GRIA1: variants seen among roughly 807,000 people sequenced by gnomAD.
The protein encoded by GRIA1 is glutamate ionotropic receptor AMPA type subunit 1, also known as glutamate receptor 1.
Under a neutral mutation model 99.2 loss-of-function variants are expected in GRIA1, and 31 were observed. The ratio of observed to expected loss-of-function variants is 0.31; its 90% CI spans 0.23 to 0.42. The LOEUF is 0.42. Among genes scored for constraint, GRIA1 ranks in the 10% least tolerant of loss-of-function variants. The pLI, the probability that GRIA1 is intolerant of heterozygous loss-of-function variation, is 1.00. For missense variants in GRIA1, 782 were observed against 1,157.5 expected (o/e 0.68, Z 4.71); for synonymous variants, 438 against 432.4 (o/e 1.01, Z -0.16).
intron 5 of GRIA1, among the ~76,000 whole-genome samples, chr5:153,665,463 C>T (rs1406253959): frequency 6.6e-6 from 1 of 152,164 alleles, no homozygotes; most frequent in African/African-American, 2.4e-5. Context: ...AACCAGACTA[C>T]CCTCTGTGTT....
chr5:153,677,209 T>C (rs767390298), intron 7 of GRIA1, 48 bp downstream of exon 7: 1 of 1,331,336 alleles, frequency 7.5e-7, no homozygotes, highest in Non-Finnish European at 9.8e-7. Context: ...TACTGGGGGA[T>C]TTCAGCATCA....
chr5:153,739,636 T>C (rs1198210571), intron 11 of GRIA1, among the ~76,000 whole-genome samples: 1 of 152,178 alleles, frequency 6.6e-6, no homozygotes, highest in Non-Finnish European at 1.5e-5. Flanking sequence ...TCACAGTAAA[T>C]TACAAGTGGT....
intron 2 of GRIA1, among the ~76,000 whole-genome samples, chr5:153,510,197 T>C (rs1755925086): frequency 6.6e-6 from 1 of 152,186 alleles, no homozygotes; most frequent in South Asian, 2.1e-4. Context: ...CTGCTTTAAC[T>C]AAATATATAG....
At chr5:153,584,377 A>G (rs552079074) in intron 2 of GRIA1, among the ~76,000 whole-genome samples, 4 of 152,292 alleles carry the variant, frequency 2.6e-5, no homozygotes, top group African/African-American at 7.2e-5. Flanking sequence ...CCTTGCCCAC[A>G]GTGTTTGAGA....
At chr5:153,743,595 A>G (rs988548940) in intron 11 of GRIA1, among the ~76,000 whole-genome samples, 7 of 146,592 alleles carry the variant, frequency 4.8e-5, no homozygotes, top group African/African-American at 1.8e-4. Context: ...CAGTGATAGG[A>G]CCCTCCCTCA....
At chr5:153,545,134 C>T (rs568611246) in intron 2 of GRIA1, among the ~76,000 whole-genome samples, 2 of 152,242 alleles carry the variant, frequency 1.3e-5, no homozygotes, top group Admixed American at 1.3e-4. Context: ...TTAATAGAAA[C>T]ATTGAAAGAT....
intron 2 of GRIA1, among the ~76,000 whole-genome samples, chr5:153,611,894 A>G (rs1445612195): frequency 6.6e-6 from 1 of 152,214 alleles, no homozygotes; most frequent in Non-Finnish European, 1.5e-5. Context: ...TCTGGGAAGC[A>G]GTGTGTTCTG....
intron 2 of GRIA1, among the ~76,000 whole-genome samples, chr5:153,593,874 G>C (rs937025391): frequency 6.6e-6 from 1 of 152,098 alleles, no homozygotes; most frequent in African/African-American, 2.4e-5. Context: ...TCTCATTTTG[G>C]CAGAATGCAT....
rs3749655 is a variant in GRIA1 at position 153,490,980 on chromosome 5, G to T, written c.82+10G>T. On this transcript the variant is annotated intron_variant, in intron 1 of 15. Transcript: ENST00000285900. ...AACAATATCCAGATCGGTGAGTGAG[G>T]GGGCAGCCTGGGGAGGGACTTTCTG... 24 of 1,612,288 alleles carry T rather than the reference G, an allele frequency of 1.5e-5. No homozygotes were observed. In the East Asian group the frequency reaches 5.3e-4, roughly 36 times the overall value.
intron 2 of GRIA1, among the ~76,000 whole-genome samples, chr5:153,634,213 G>C (rs1753183727): frequency 6.6e-6 from 1 of 151,892 alleles, no homozygotes; most frequent in South Asian, 2.1e-4. Context: ...AGCTACTCGG[G>C]AGGCTGAGGC....
intron 2 of GRIA1, among the ~76,000 whole-genome samples, chr5:153,545,414 G>A (rs1301710896): frequency 6.6e-6 from 1 of 152,146 alleles, no homozygotes; most frequent in South Asian, 2.1e-4. Context: ...GGACTGGGGG[G>A]AAGTTTGGGT....
chr5:153,805,836 G>A (rs1346247874), intron 15 of GRIA1, among the ~76,000 whole-genome samples: 1 of 152,034 alleles, frequency 6.6e-6, no homozygotes, highest in African/African-American at 2.4e-5. Flanking sequence ...CCAACATCAG[G>A]GTCTCTTGGA....
chr5:153,687,598 T>C (rs927135009), intron 8 of GRIA1, among the ~76,000 whole-genome samples: 2 of 152,208 alleles, frequency 1.3e-5, no homozygotes, highest in Admixed American at 1.3e-4. Flanking sequence ...AAAAATCAGT[T>C]CTTCAGTTGC....
At chr5:153,592,893 G>A (rs766615928) in intron 2 of GRIA1, among the ~76,000 whole-genome samples, 4 of 152,212 alleles carry the variant, frequency 2.6e-5, no homozygotes, top group Non-Finnish European at 5.9e-5. Flanking sequence ...ATGAAAGAGA[G>A]AGGAGAGAGA....
intron 2 of GRIA1, among the ~76,000 whole-genome samples, chr5:153,636,527 T>C (rs1173031919): frequency 1.3e-5 from 2 of 152,202 alleles, no homozygotes; most frequent in Admixed American, 6.5e-5. Context: ...CACTGAGTAG[T>C]GCAGCAGAGA....
At chr5:153,595,038 G>T (rs970672489) in intron 2 of GRIA1, among the ~76,000 whole-genome samples, 5 of 151,908 alleles carry the variant, frequency 3.3e-5, no homozygotes, top group Admixed American at 2.6e-4. Context: ...TGCTAAGTCA[G>T]TTACCTTCAT....
chr5:153,654,414 C>G (rs903240175), intron 4 of GRIA1, among the ~76,000 whole-genome samples: 6 of 152,044 alleles, frequency 3.9e-5, no homozygotes, highest in African/African-American at 1.4e-4. Context: ...AATATCATGT[C>G]TTTGCTGTTT....
chr5:153,630,599 C>T (rs1381239290), intron 2 of GRIA1, among the ~76,000 whole-genome samples: 1 of 152,164 alleles, frequency 6.6e-6, no homozygotes, highest in African/African-American at 2.4e-5. Context: ...AGCTTCCCAC[C>T]TCAGATCTTC....
intron 2 of GRIA1, among the ~76,000 whole-genome samples, chr5:153,521,726 C>G (rs575657897): frequency 6.6e-6 from 1 of 152,226 alleles, no homozygotes; most frequent in African/African-American, 2.4e-5. Flanking sequence ...TCATTGAACT[C>G]TAATCAGGGG....
Sources: allele counts gnomAD v4.1 joint callset (sites outside exome capture counted in the v4.1 genomes callset), GRCh38; gene constraint gnomAD v4.1.1; transcripts MANE v1.5; gene names NCBI Gene and HGNC (gene_info 2026-07-23, HGNC 2026-07-21).